JMJD1C: variants seen among roughly 807,000 people sequenced by gnomAD.
JMJD1C encodes jumonji domain-containing protein 1C.
Under a neutral mutation model 245.3 loss-of-function variants are expected in JMJD1C, and 31 were observed. That is an observed-to-expected ratio of 0.13 (90% CI 0.09 to 0.17). The LOEUF is 0.17. JMJD1C is among the 10% of genes least tolerant of loss of function. The pLI, the probability that JMJD1C is intolerant of heterozygous loss-of-function variation, is 1.00. For missense variants in JMJD1C, 2,691 were observed against 3,000.2 expected, an observed-to-expected ratio of 0.90 and a Z score of 2.41; for synonymous variants, 1,057 against 1,017.4, an observed-to-expected ratio of 1.04 and a Z score of -0.74.
chr10:63,284,559 A>G (rs1340515927), intron 2 of JMJD1C, among the ~76,000 whole-genome samples: 2 of 152,160 alleles, frequency 1.3e-5, no homozygotes, highest in African/African-American at 2.4e-5. Flanking sequence ...TCTTGGGAAT[A>G]ACTTATAATG....
chr10:63,361,601 T>C (rs1002924730), intron 2 of JMJD1C, among the ~76,000 whole-genome samples: 26 of 151,708 alleles, frequency 1.7e-4, no homozygotes, highest in African/African-American at 7.3e-5. Context: ...CTCTCAATTT[T>C]ATTTACAGCA....
chr10:63,377,350 T>A (rs1046964583), intron 2 of JMJD1C, among the ~76,000 whole-genome samples: 3 of 152,222 alleles, frequency 2.0e-5, no homozygotes, highest in Non-Finnish European at 4.4e-5. Context: ...ACGAATGTAC[T>A]TACTACCAAT....
intron 3 of JMJD1C, among the ~76,000 whole-genome samples, chr10:63,226,714 CAAAAAAAAAAAA>C (rs35375607): frequency 1.2e-5 from 1 of 84,910 alleles, no homozygotes; most frequent in African/African-American, 4.9e-5. Flanking sequence ...AACCCTGTTT[CAAAAAAAAAAAA>C]AAAAAAAAAG....
intron 2 of JMJD1C, among the ~76,000 whole-genome samples, chr10:63,333,542 A>G (rs183318958): frequency 6.4e-4 from 97 of 152,262 alleles, no homozygotes; most frequent in South Asian, 1.4e-3. Context: ...CAAAAAAAAG[A>G]AAAAAGAGAG....
chr10:63,407,516 T>C (rs962821151), intron 1 of JMJD1C, among the ~76,000 whole-genome samples: 9 of 152,158 alleles, frequency 5.9e-5, no homozygotes, highest in African/African-American at 9.7e-5. Flanking sequence ...AGATCTCAAA[T>C]AGATAAGATG....
chr10:63,432,140 C>T (rs1440592134), intron 1 of JMJD1C, among the ~76,000 whole-genome samples: 2 of 152,206 alleles, frequency 1.3e-5, no homozygotes, highest in African/African-American at 4.8e-5. Flanking sequence ...AGATGAACTT[C>T]TGGCAAACTC....
At chr10:63,242,829 T>C (rs901116015) in intron 3 of JMJD1C, among the ~76,000 whole-genome samples, 5 of 152,050 alleles carry the variant, frequency 3.3e-5, no homozygotes, top group African/African-American at 1.2e-4. Context: ...ACTCTGACCA[T>C]ATATATTCTC....
intron 10 of JMJD1C, chr10:63,204,744 TGTCA>T (rs748487131): frequency 5.1e-6 from 5 of 985,350 alleles, no homozygotes; most frequent in East Asian, 1.1e-4. Flanking sequence ...CATTTCAGTC[TGTCA>T]GTCTCTGGCT....
intron 2 of JMJD1C, among the ~76,000 whole-genome samples, chr10:63,306,492 C>CT (rs1392019163): frequency 6.6e-6 from 1 of 152,094 alleles, no homozygotes; most frequent in African/African-American, 2.4e-5. Flanking sequence ...GGCTAGAAGT[C>CT]TAAGATCAAG....
At chr10:63,290,333 G>T (rs1018447042) in intron 2 of JMJD1C, among the ~76,000 whole-genome samples, 5 of 152,034 alleles carry the variant, frequency 3.3e-5, no homozygotes, top group Non-Finnish European at 7.4e-5. Context: ...CTTTGGGAGG[G>T]TAAGGCGGGA....
intron 1 of JMJD1C, among the ~76,000 whole-genome samples, chr10:63,402,222 T>G (rs1461051474): frequency 6.6e-6 from 1 of 151,108 alleles, no homozygotes; most frequent in Admixed American, 6.6e-5. Context: ...TCAAAATTCA[T>G]GAAAAAAATG....
At chr10:63,382,789 T>G (rs1322163793) in intron 1 of JMJD1C, 1 of 455,960 alleles carries the variant, frequency 2.2e-6, no homozygotes, top group Non-Finnish European at 4.4e-6. Flanking sequence ...ACCCATCTTC[T>G]GCTCCCTTAC....
At chr10:63,427,915 C>T (rs761596443) in intron 1 of JMJD1C, 12 of 719,824 alleles carry the variant, frequency 1.7e-5, no homozygotes, top group Admixed American at 6.0e-5. Flanking sequence ...ACCAGCAAGG[C>T]AGCCACCTAG....
intron 1 of JMJD1C, among the ~76,000 whole-genome samples, chr10:63,416,133 A>G (rs917092298): frequency 1.3e-5 from 2 of 152,196 alleles, no homozygotes; most frequent in Non-Finnish European, 2.9e-5. Flanking sequence ...ATTAAAAAAT[A>G]AAAAAGCCAA....
intron 1 of JMJD1C, among the ~76,000 whole-genome samples, chr10:63,441,498 G>A (rs1361567024): frequency 7.2e-5 from 11 of 152,220 alleles, no homozygotes; most frequent in South Asian, 2.1e-4. Context: ...AAGACAATAC[G>A]TAGCACACAG....
chr10:63,298,515 T>A (rs1859693668), intron 2 of JMJD1C, among the ~76,000 whole-genome samples: 2 of 152,184 alleles, frequency 1.3e-5, no homozygotes, highest in African/African-American at 4.8e-5. Flanking sequence ...GTATCCATAT[T>A]CTCTCTTATA....
At chr10:63,209,328 T>C in intron 8 of JMJD1C, 93 bp from the exon 9 acceptor site, 1 of 1,021,722 alleles carries the variant, frequency 9.8e-7, no homozygotes, top group Admixed American at 3.3e-5. Context: ...ATGATCTTGG[T>C]GGTTTATTAG....
chr10:63,269,457 T>C (rs1856021638), intron 2 of JMJD1C, among the ~76,000 whole-genome samples: 1 of 152,160 alleles, frequency 6.6e-6, no homozygotes, highest in Non-Finnish European at 1.5e-5. Context: ...CAAATGCAAA[T>C]ACTAAGTTTT....
intron 3 of JMJD1C, among the ~76,000 whole-genome samples, chr10:63,236,390 C>A (rs572193162): frequency 6.6e-6 from 1 of 152,154 alleles, no homozygotes; most frequent in Admixed American, 6.5e-5. Context: ...CATTATAAAA[C>A]CACTTGAAGA....
Sources: gnomAD v4.1 joint callset for allele counts (sites outside exome capture counted in the v4.1 genomes callset) on GRCh38, gnomAD v4.1.1 for gene constraint, MANE v1.5 for transcripts, NCBI Gene and HGNC (gene_info 2026-07-23, HGNC 2026-07-21) for gene names.